Variants in KCNN3 observed in about 807,000 individuals in gnomAD.
The protein encoded by KCNN3 is potassium calcium-activated channel subfamily N member 3.
KCNN3 carries 16 observed loss-of-function variants against 62.9 expected under a neutral mutation model. The observed-to-expected ratio is 0.25, with a 90% CI of 0.17 to 0.39. The LOEUF is 0.39. KCNN3 is among the 10% of genes least tolerant of loss of function. The pLI, the probability that KCNN3 is intolerant of heterozygous loss-of-function variation, is 1.00. For missense variants in KCNN3, 599 were observed against 949.4 expected, an observed-to-expected ratio of 0.63 and a Z score of 4.85; for synonymous variants, 370 against 389.2, an observed-to-expected ratio of 0.95 and a Z score of 0.58.
chr1:154,822,304 C>A (rs989106873), intron 1 of KCNN3, 120 bp from the exon 2 acceptor site: 2 of 780,512 alleles, frequency 2.6e-6, no homozygotes, highest in African/African-American at 3.4e-5. Flanking sequence ...CCAGCCCCTC[C>A]TAGGAGCAGG....
chr1:154,851,503 G>T (rs1652298530), intron 1 of KCNN3, among the ~76,000 whole-genome samples: 2 of 152,168 alleles, frequency 1.3e-5, no homozygotes, highest in African/African-American at 4.8e-5. Context: ...CCAAAAAACT[G>T]CTTCTCCCAC....
intron 2 of KCNN3, among the ~76,000 whole-genome samples, chr1:154,787,507 C>T (rs893469479): frequency 3.3e-5 from 5 of 152,212 alleles, no homozygotes; most frequent in African/African-American, 7.2e-5. Context: ...CTTAGAACTG[C>T]GTGTCTGCTA....
At chr1:154,860,225 T>C (rs902684390) in intron 1 of KCNN3, among the ~76,000 whole-genome samples, 3 of 152,212 alleles carry the variant, frequency 2.0e-5, no homozygotes, top group Non-Finnish European at 2.9e-5. Context: ...AATTGTGTTC[T>C]CTTGACGACG....
intron 2 of KCNN3, among the ~76,000 whole-genome samples, chr1:154,795,428 C>T (rs569700145): frequency 1.4e-4 from 22 of 152,302 alleles, no homozygotes; most frequent in Admixed American, 9.8e-4. Flanking sequence ...CTGATCACAA[C>T]GTGGTAAGGC....
At chr1:154,798,819 C>T (rs2101871244) in intron 2 of KCNN3, among the ~76,000 whole-genome samples, 1 of 152,286 alleles carries the variant, frequency 6.6e-6, no homozygotes, top group African/African-American at 2.4e-5. Flanking sequence ...TCTCTAGTTC[C>T]AGGCCTTCCA....
chr1:154,752,812 T>C (rs1038296910), intron 3 of KCNN3, among the ~76,000 whole-genome samples: 1 of 152,146 alleles, frequency 6.6e-6, no homozygotes, highest in Non-Finnish European at 1.5e-5. Context: ...GGCCTCAGTT[T>C]TTCCATCAGG....
At chr1:154,709,567 C>T (rs1700032029) in intron 7 of KCNN3, among the ~76,000 whole-genome samples, 1 of 152,098 alleles carries the variant, frequency 6.6e-6, no homozygotes, top group South Asian at 2.1e-4. Flanking sequence ...AGCAGGGGCA[C>T]AAAATGCAGT....
At chr1:154,848,456 G>T (rs911143202) in intron 1 of KCNN3, among the ~76,000 whole-genome samples, 27 of 152,068 alleles carry the variant, frequency 1.8e-4, no homozygotes, top group Non-Finnish European at 3.2e-4. Flanking sequence ...TCCATGCTGT[G>T]GCTGGAGCAC....
chr1:154,755,648 GAAGA>G (rs1647632210), intron 3 of KCNN3, among the ~76,000 whole-genome samples: 1 of 124,518 alleles, frequency 8.0e-6, no homozygotes, highest in African/African-American at 2.6e-5. Flanking sequence ...AAGAAAGAAA[GAAGA>G]AAGGAAGGAA....
rs1001507946 is a variant in KCNN3, at chr1:154,725,813, G to C, written c.1701+103C>G. ...CCTCCTCAGCCTCCTAAAGTGTTGG[G>C]ATTACAGGCGTGAGCCACTGCACCC... is the stretch of plus-strand genomic sequence containing the variant. On this transcript the variant is annotated intron_variant, in intron 5 of 7. Coordinates refer to ENST00000271915, the MANE Select transcript of KCNN3 (RefSeq NM_002249.6). 10 of 820,702 alleles carry C rather than the reference G, an allele frequency of 1.2e-5. No individual in the cohort carries two copies. In the Admixed American group the frequency reaches 1.8e-4, roughly 15 times the overall value. 50.8% of individuals were successfully genotyped at this position (820,702 alleles called of 1,614,324 possible). A position where few individuals can be genotyped will look rare whatever the true frequency, so the allele number is the denominator to read the frequency against.
At chr1:154,722,834 C>A (rs867623341) in intron 5 of KCNN3, among the ~76,000 whole-genome samples, 91 of 151,580 alleles carry the variant, frequency 6.0e-4, no homozygotes, top group African/African-American at 2.2e-3. Context: ...CAGATTCAAG[C>A]GATTCTCCTG....
chr1:154,711,802 T>A (rs1314104275), intron 7 of KCNN3, among the ~76,000 whole-genome samples: 1 of 152,194 alleles, frequency 6.6e-6, no homozygotes, highest in East Asian at 1.9e-4. Context: ...GGCCAATTAG[T>A]CTTTACCTGT....
At chr1:154,783,323 C>G (rs533163960) in intron 2 of KCNN3, among the ~76,000 whole-genome samples, 1 of 152,300 alleles carries the variant, frequency 6.6e-6, no homozygotes, top group East Asian at 1.9e-4. Context: ...TTAAAATAAA[C>G]TGGGTTCTAT....
At chr1:154,714,222 TGTGTGTGGG>T (rs1481852526) in intron 6 of KCNN3, among the ~76,000 whole-genome samples, 98 of 126,502 alleles carry the variant, frequency 7.7e-4, no homozygotes, top group Middle Eastern at 6.8e-3. Context: ...GTGTGCATGG[TGTGTGTGGG>T]GTGTGTGCGG....
intron 3 of KCNN3, among the ~76,000 whole-genome samples, chr1:154,764,220 T>C (rs1165528391): frequency 6.6e-6 from 1 of 152,256 alleles, no homozygotes; most frequent in Non-Finnish European, 1.5e-5. Context: ...TGTTTTTCTC[T>C]GATCTTCTTT....
intron 2 of KCNN3, among the ~76,000 whole-genome samples, chr1:154,811,228 G>A (rs1024611941): frequency 4.6e-5 from 7 of 152,192 alleles, no homozygotes; most frequent in Non-Finnish European, 1.0e-4. Flanking sequence ...GACAAAGTGG[G>A]AGATGCTTGT....
chr1:154,801,313 C>A (rs1001431717), intron 2 of KCNN3, among the ~76,000 whole-genome samples: 5 of 152,142 alleles, frequency 3.3e-5, no homozygotes, highest in South Asian at 2.1e-4. Context: ...TCCCAAGATA[C>A]CCCCGGAGTC....
rs72700248 is a variant in KCNN3, at chr1:154,776,438, G to C, written c.1030-4045C>G. 1.0e-2 allele frequency among the ~76,000 whole-genome samples: 1,522 copies of C among 152,238 alleles called. 13 individuals are homozygous for C. The highest frequency in any genetic ancestry group is 0.017 in the Non-Finnish European group (1,124 of 67,992). On this transcript the variant is annotated intron_variant, in intron 2 of 7. Coordinates refer to ENST00000271915, the MANE Select transcript of KCNN3 (RefSeq NM_002249.6). ...TGTAAAGAGCGGGTGTTTTGAGTAG[G>C]GGGTGGGGGAGAGTTTTCAGGCTGC...
At position 154,870,200 on chromosome 1, in the gene KCNN3, A is replaced by G; in HGVS notation, c.-236T>C. 1 of 689,630 alleles carries G rather than the reference A, an allele frequency of 1.5e-6. No homozygotes were observed. The allele number at this position is 689,630 out of a possible 1,614,324, so 42.7% of individuals were successfully genotyped here. On this transcript the variant is annotated 5_prime_UTR_variant, in exon 1 of 8. Transcript: ENST00000271915. ...CAGGAGGGGAGCTTGGAGAAAGAAG[A>G]GGGGGTGAAAGAACTCTCTCAGGAG...
Sources: allele counts gnomAD v4.1 joint callset (sites outside exome capture counted in the v4.1 genomes callset), GRCh38; gene constraint gnomAD v4.1.1; transcripts MANE v1.5; gene names NCBI Gene and HGNC (gene_info 2026-07-23, HGNC 2026-07-21).